ZFAT: variants seen among roughly 807,000 people sequenced by gnomAD.
The protein encoded by ZFAT is zinc finger and AT-hook domain containing.
Under a neutral mutation model 117.7 loss-of-function variants are expected in ZFAT, and 64 were observed. The observed-to-expected ratio is 0.54, with a 90% CI of 0.44 to 0.67. The LOEUF (loss-of-function observed/expected upper bound fraction) is 0.67, where lower values mean the gene tolerates loss of function less well. Ranked by LOEUF, ZFAT falls within the 30% of genes least tolerant of loss-of-function variation. The probability of loss-of-function intolerance (pLI) is 0.00; values close to 1 mark genes in which losing one functional copy is unlikely to be tolerated. For synonymous variants in ZFAT, 679 were observed against 615.0 expected (o/e 1.10, Z -1.54); for missense variants, 1,433 against 1,584.5 (o/e 0.90, Z 1.62).
intron 5 of ZFAT, among the ~76,000 whole-genome samples, chr8:134,604,956 A>G (rs28385432): frequency 0.064 from 9,691 of 152,294 alleles, 1,065 homozygotes; most frequent in African/African-American, 0.22. Context: ...TAAATAAATA[A>G]ATCAAGACTT....
the ZFAT span, among the ~76,000 whole-genome samples, chr8:134,748,061 T>C: frequency 2.1e-4 from 32 of 152,364 alleles, no homozygotes; most frequent in Admixed American, 5.2e-4. Flanking sequence ...TTTTAAAGTA[T>C]TTTTTAATTT....
intron 2 of ZFAT, 125 bp downstream of exon 2, chr8:134,657,436 T>A (rs1471435606): frequency 2.0e-6 from 2 of 1,001,268 alleles, no homozygotes; most frequent in Non-Finnish European, 1.5e-6. Context: ...TATCTACAAT[T>A]GGAGACTTAT....
At chr8:134,499,486 C>G (rs1420026665) in intron 15 of ZFAT, among the ~76,000 whole-genome samples, 2 of 141,752 alleles carry the variant, frequency 1.4e-5, no homozygotes, top group South Asian at 2.2e-4. Context: ...CACACAGAGC[C>G]TGATTTGGTA....
the ZFAT span, among the ~76,000 whole-genome samples, chr8:134,818,754 C>T: frequency 1.3e-5 from 2 of 152,204 alleles, no homozygotes; most frequent in African/African-American, 2.4e-5. Flanking sequence ...CAATGGAATA[C>T]TACTTACCAA....
chr8:134,822,602 T>C, the ZFAT span, among the ~76,000 whole-genome samples: 111 of 152,262 alleles, frequency 7.3e-4, 1 homozygote, highest in African/African-American at 2.6e-3. Context: ...TTAATTGTTA[T>C]GAGAGCATAA....
intron 3 of ZFAT, among the ~76,000 whole-genome samples, chr8:134,619,666 T>C (rs183767091): frequency 1.4e-3 from 210 of 152,238 alleles, no homozygotes; most frequent in Middle Eastern, 0.01. Flanking sequence ...AGGAAGGGCC[T>C]CCAACCTCAC....
chr8:134,607,969 T>C (rs578016485), intron 5 of ZFAT, among the ~76,000 whole-genome samples: 138 of 152,324 alleles, frequency 9.1e-4, no homozygotes, highest in South Asian at 1.7e-3. Context: ...ACTCTAGCAA[T>C]GGATTCCACA....
At chr8:134,725,647 G>C in the ZFAT span, among the ~76,000 whole-genome samples, 1 of 151,970 alleles carries the variant, frequency 6.6e-6, no homozygotes, top group African/African-American at 2.4e-5. Context: ...ACAATTCAAC[G>C]TGAGATTTGG....
intron 11 of ZFAT, among the ~76,000 whole-genome samples, chr8:134,550,374 A>C (rs893987545): frequency 3.3e-5 from 5 of 150,310 alleles, no homozygotes. Flanking sequence ...CCAGGCCTTC[A>C]TATCATTTAC....
intron 15 of ZFAT, among the ~76,000 whole-genome samples, chr8:134,502,248 C>T (rs1036617176): frequency 6.6e-6 from 1 of 152,194 alleles, no homozygotes; most frequent in African/African-American, 2.4e-5. Flanking sequence ...AAGCCAGAGG[C>T]TGCACTTGAG....
chr8:134,596,416 C>A (rs897911080), intron 7 of ZFAT, among the ~76,000 whole-genome samples: 9 of 144,856 alleles, frequency 6.2e-5, no homozygotes, highest in East Asian at 2.4e-4. Context: ...AAAACAGTGA[C>A]AATGACACAG....
intron 15 of ZFAT, among the ~76,000 whole-genome samples, chr8:134,503,934 G>C (rs564244780): frequency 6.9e-6 from 1 of 144,364 alleles, no homozygotes; most frequent in Non-Finnish European, 1.5e-5. Flanking sequence ...ACACACACAC[G>C]CACACGCACA....
At chr8:134,812,049 C>T in the ZFAT span, among the ~76,000 whole-genome samples, 1 of 152,218 alleles carries the variant, frequency 6.6e-6, no homozygotes, top group East Asian at 1.9e-4. Flanking sequence ...GAAGCTGACA[C>T]AGGAGAATAG....
chr8:134,789,855 G>T, the ZFAT span, among the ~76,000 whole-genome samples: 1 of 152,130 alleles, frequency 6.6e-6, no homozygotes, highest in South Asian at 2.1e-4. Context: ...TATAGCTGTT[G>T]TCTGTAATTT....
rs1016425701 is a variant in ZFAT, at chr8:134,546,767, G to A, written c.2977-13795C>T. Among the ~76,000 whole-genome samples the A allele has an allele frequency of 7.7e-4, 117 of 152,218 alleles. 2 individuals carry two copies. The highest frequency in any genetic ancestry group is 2.7e-3 in the African/African-American group (111 of 41,460). ...CTCAATCTAGCTCTACTGTCTAACA[G>A]CTTTGCAACTTTGAGAATGTTTGCT... On this transcript the variant is annotated intron_variant, in intron 11 of 15. Coordinates refer to ENST00000377838, the MANE Select transcript of ZFAT (RefSeq NM_020863.4).
intron 2 of ZFAT, among the ~76,000 whole-genome samples, chr8:134,649,246 G>A (rs1252100467): frequency 6.7e-6 from 1 of 150,324 alleles, no homozygotes; most frequent in Non-Finnish European, 1.5e-5. Flanking sequence ...TTCTTCCTAA[G>A]ATAGTATCAG....
the ZFAT span, among the ~76,000 whole-genome samples, chr8:134,720,933 G>C: frequency 6.6e-6 from 1 of 152,160 alleles, no homozygotes; most frequent in African/African-American, 2.4e-5. Context: ...CTGTAGGGTC[G>C]GGAGGGCATG....
chr8:134,681,401 G>C (rs1833064184), intron 1 of ZFAT, among the ~76,000 whole-genome samples: 1 of 152,194 alleles, frequency 6.6e-6, no homozygotes, highest in Admixed American at 6.5e-5. Context: ...ATTACCTGCA[G>C]TGACAGCCTC....
At chr8:134,652,851 A>G (rs1159980358) in intron 2 of ZFAT, among the ~76,000 whole-genome samples, 2 of 152,240 alleles carry the variant, frequency 1.3e-5, no homozygotes, top group Non-Finnish European at 2.9e-5. Context: ...CTTTCCAGAG[A>G]GCATTCTGAT....
Sources: allele counts gnomAD v4.1 joint callset (sites outside exome capture counted in the v4.1 genomes callset), GRCh38; gene constraint gnomAD v4.1.1; transcripts MANE v1.5; gene names NCBI Gene and HGNC (gene_info 2026-07-23, HGNC 2026-07-21).